The following HDAC4 variants were observed in gnomAD, a reference collection of about 807,000 sequenced individuals.
HDAC4 encodes histone deacetylase A.
Under a neutral mutation model 135.1 loss-of-function variants are expected in HDAC4, and 16 were observed. The observed-to-expected ratio is 0.12, with a 90% CI of 0.08 to 0.18. The LOEUF is 0.18. Ranked by LOEUF, HDAC4 falls within the 10% of genes least tolerant of loss-of-function variation. The pLI is 1.00. For missense variants in HDAC4, 1,143 were observed against 1,511.8 expected, an observed-to-expected ratio of 0.76 and a Z score of 4.05; for synonymous variants, 685 against 653.4, an observed-to-expected ratio of 1.05 and a Z score of -0.74.
chr2:239,209,283 G>C (rs1039284038), intron 3 of HDAC4, among the ~76,000 whole-genome samples: 1 of 152,198 alleles, frequency 6.6e-6, no homozygotes, highest in Non-Finnish European at 1.5e-5. Flanking sequence ...CTCTCCAAAC[G>C]GAACTACAGG....
chr2:239,225,683 C>A (rs761441669), intron 3 of HDAC4, among the ~76,000 whole-genome samples: 1 of 152,136 alleles, frequency 6.6e-6, no homozygotes, highest in African/African-American at 2.4e-5. Context: ...AAGTGCCAGC[C>A]CCTTCCTCAG....
At chr2:239,118,968 C>CT in intron 12 of HDAC4, among the ~76,000 whole-genome samples, 1 of 152,292 alleles carries the variant, frequency 6.6e-6, no homozygotes, top group Non-Finnish European at 1.5e-5. Context: ...GGGAGCCTGG[C>CT]GGTACCGCTG....
In HDAC4 at chr2:239,308,241, C is replaced by CG. The variant is rs200217957; in HGVS notation, c.22+44436dup. On this transcript the variant is annotated intron_variant, in intron 2 of 26. Transcript: ENST00000543185. This position sits in a 1 kb window ranked among gnomAD's most constrained non-coding sequence, Gnocchi z 4.2. Reference sequence around the variant, plus strand: ...CTTAGGGACAAGAGAGCTAGAGACCCGGGGGGGAGTCCACTGCCTTGGGGA... The same window carrying CG: ...CTTAGGGACAAGAGAGCTAGAGACCCGGGGGGGGAGTCCACTGCCTTGGGGA... 7.5e-3 allele frequency among the ~76,000 whole-genome samples: 1,140 copies of CG among 152,138 alleles called. 17 individuals are homozygous for CG. Among genetic ancestry groups the CG allele is most frequent in the African/African-American group, 0.025 (1,029 of 41,506 alleles).
At chr2:239,350,658 C>G (rs1174750500) in intron 2 of HDAC4, among the ~76,000 whole-genome samples, 1 of 152,160 alleles carries the variant, frequency 6.6e-6, no homozygotes, top group East Asian at 1.9e-4. Context: ...CACACGCCAC[C>G]ACGCCCAGCT....
intron 6 of HDAC4, 137 bp from the exon 7 acceptor site, chr2:239,156,910 G>T: frequency 1.0e-6 from 1 of 991,048 alleles, no homozygotes; most frequent in Non-Finnish European, 1.6e-6. Context: ...TTTCCCTAGG[G>T]TCAAGCTGAA....
intron 2 of HDAC4, among the ~76,000 whole-genome samples, chr2:239,297,564 G>A (rs974938631): frequency 9.2e-5 from 14 of 152,212 alleles, no homozygotes; most frequent in African/African-American, 3.4e-4. Context: ...CTTAACGGAG[G>A]GAATCCAAAG....
intron 4 of HDAC4, among the ~76,000 whole-genome samples, chr2:239,188,473 G>A (rs182298208): frequency 6.6e-6 from 1 of 152,350 alleles, no homozygotes; most frequent in African/African-American, 2.4e-5. Context: ...CTGTGTGTGG[G>A]CTAATGCCAG....
intron 2 of HDAC4, among the ~76,000 whole-genome samples, chr2:239,350,641 C>T (rs1374972374): frequency 3.3e-5 from 5 of 152,176 alleles, no homozygotes; most frequent in African/African-American, 7.2e-5. Flanking sequence ...GTAGCTGGGA[C>T]TACAGGCACA....
intron 2 of HDAC4, among the ~76,000 whole-genome samples, chr2:239,293,188 A>T (rs142595968): frequency 6.6e-6 from 1 of 152,146 alleles, no homozygotes; most frequent in Non-Finnish European, 1.5e-5. Flanking sequence ...ATTTGTGTCC[A>T]TGGGATACAA....
intron 5 of HDAC4, among the ~76,000 whole-genome samples, chr2:239,175,994 G>T (rs1407108629): frequency 6.6e-6 from 1 of 152,098 alleles, no homozygotes. Context: ...CCCTGTCAGG[G>T]GGTGGGGGTC....
At chr2:239,336,246 C>T (rs536965349) in intron 2 of HDAC4, among the ~76,000 whole-genome samples, 15 of 152,242 alleles carry the variant, frequency 9.9e-5, no homozygotes, top group Admixed American at 2.6e-4. Flanking sequence ...AGGACATATA[C>T]GGGGCTTCTG....
intron 1 of HDAC4, among the ~76,000 whole-genome samples, chr2:239,353,162 T>A (rs1693271809): frequency 6.6e-6 from 1 of 152,136 alleles, no homozygotes; most frequent in African/African-American, 2.4e-5. Flanking sequence ...CACAGGTGCA[T>A]GCCACCAGGC....
intron 1 of HDAC4, among the ~76,000 whole-genome samples, chr2:239,375,332 G>A (rs991869857): frequency 3.0e-4 from 9 of 29,850 alleles, no homozygotes; most frequent in African/African-American, 1.3e-4. Flanking sequence ...TCCCATCCAC[G>A]CATGTCCCTA....
chr2:239,141,721 G>A lies in HDAC4; in HGVS notation c.866-1925C>T, dbSNP rs947647162. Among the ~76,000 whole-genome samples the A allele has an allele frequency of 2.6e-5, 4 of 152,160 alleles. No homozygotes were observed. The highest frequency in any genetic ancestry group is 4.4e-5 in the Non-Finnish European group (3 of 68,036). Reference sequence around the variant, plus strand: ...CCAGCAGATCTTCCCTGTAATGGGTGCCTCCCAGCTGTGTCGTCAGATAAA... The same window carrying A: ...CCAGCAGATCTTCCCTGTAATGGGTACCTCCCAGCTGTGTCGTCAGATAAA... On this transcript the variant is annotated intron_variant, in intron 8 of 26. Coordinates refer to ENST00000543185, the MANE Select transcript of HDAC4 (RefSeq NM_001378414.1). This position sits in a 1 kb window ranked among gnomAD's most constrained non-coding sequence, Gnocchi z 4.9.
Position 239,141,712 on chromosome 2 carries a change from G to A in HDAC4, c.866-1916C>T, listed in dbSNP as rs913455893. 1.2e-4 allele frequency among the ~76,000 whole-genome samples: 18 copies of A among 152,164 alleles called. No individual in the cohort carries two copies. Among genetic ancestry groups the A allele is most frequent in the African/African-American group, 3.9e-4 (16 of 41,436 alleles). ...CACCAAGATCCAGCAGATCTTCCCT[G>A]TAATGGGTGCCTCCCAGCTGTGTCG... On this transcript the variant is annotated intron_variant, in intron 8 of 26. Coordinates refer to ENST00000543185, the MANE Select transcript of HDAC4 (RefSeq NM_001378414.1). This position sits in a 1 kb window ranked among gnomAD's most constrained non-coding sequence, Gnocchi z 4.9.
chr2:239,398,847 A>G (rs2126137412), intron 1 of HDAC4, among the ~76,000 whole-genome samples: 1 of 152,334 alleles, frequency 6.6e-6, no homozygotes, highest in Non-Finnish European at 1.5e-5. Context: ...CCCCGGGGGC[A>G]TGCCTGCTGC....
chr2:239,357,638 C>G (rs1693582606), intron 1 of HDAC4, among the ~76,000 whole-genome samples: 1 of 151,528 alleles, frequency 6.6e-6, no homozygotes, highest in Admixed American at 6.6e-5. Context: ...AATTGTAGCA[C>G]TTTGGGAGGC....
chr2:239,200,200 G>A (rs1465168219), intron 3 of HDAC4, among the ~76,000 whole-genome samples: 1 of 152,270 alleles, frequency 6.6e-6, no homozygotes, highest in East Asian at 1.9e-4. Flanking sequence ...ACGGACATGC[G>A]TGTTTGACCT....
rs1458847206 is a variant in HDAC4 at position 239,309,686 on chromosome 2, G to A, written c.22+42992C>T. Reference sequence around the variant, plus strand: ...TCATAGGGCCTCCACCGCAGGCAGAGCTCCGCCAGCAAGTATCCTGGGAGC... The same window carrying A: ...TCATAGGGCCTCCACCGCAGGCAGAACTCCGCCAGCAAGTATCCTGGGAGC... On this transcript the variant is annotated intron_variant, in intron 2 of 26. Coordinates refer to ENST00000543185, the MANE Select transcript of HDAC4 (RefSeq NM_001378414.1). This position sits in a 1 kb window ranked among gnomAD's most constrained non-coding sequence, Gnocchi z 4.2. Among the ~76,000 whole-genome samples, 1 of 152,252 alleles carries A rather than the reference G, an allele frequency of 6.6e-6. No homozygotes were observed. The highest frequency in any genetic ancestry group is 2.4e-5 in the African/African-American group (1 of 41,472).
Sources: allele counts gnomAD v4.1 joint callset (sites outside exome capture counted in the v4.1 genomes callset), GRCh38; gene constraint gnomAD v4.1.1; non-coding constraint Gnocchi (gnomAD v3.1); transcripts MANE v1.5; gene names NCBI Gene and HGNC (gene_info 2026-07-23, HGNC 2026-07-21).